Variants in NEDD4L observed in about 807,000 individuals in gnomAD.
NEDD4L encodes E3 ubiquitin-protein ligase NEDD4-like.
In NEDD4L, 54 loss-of-function variants were observed where a neutral mutation model predicts 148.9. The observed-to-expected ratio is 0.36, with a 90% CI of 0.29 to 0.45. The LOEUF (loss-of-function observed/expected upper bound fraction) is 0.45, where lower values mean the gene tolerates loss of function less well. Ranked by LOEUF, NEDD4L falls within the 20% of genes least tolerant of loss-of-function variation. The pLI is 1.00. For missense variants in NEDD4L, 856 were observed against 1,233.8 expected (o/e 0.69, Z 4.59); for synonymous variants, 433 against 440.7 (o/e 0.98, Z 0.22).
intron 1 of NEDD4L, among the ~76,000 whole-genome samples, chr18:58,114,411 ATG>A (rs1287859271): frequency 6.6e-6 from 1 of 152,164 alleles, no homozygotes; most frequent in Non-Finnish European, 1.5e-5. Context: ...CAGGAAGTCT[ATG>A]TGTGTGCCAG....
chr18:58,126,574 A>G (rs974808968), intron 1 of NEDD4L, among the ~76,000 whole-genome samples: 1 of 152,240 alleles, frequency 6.6e-6, no homozygotes, highest in Non-Finnish European at 1.5e-5. Context: ...ACTTTTTGGT[A>G]GAATGATGCT....
intron 5 of NEDD4L, among the ~76,000 whole-genome samples, chr18:58,309,547 G>T (rs144863827): frequency 4.2e-3 from 646 of 152,132 alleles, no homozygotes; most frequent in Non-Finnish European, 5.4e-3. Context: ...CCTGCCTGTG[G>T]CTGAGCCCTG....
intron 6 of NEDD4L, among the ~76,000 whole-genome samples, chr18:58,318,322 G>A (rs528469809): frequency 2.6e-4 from 40 of 152,310 alleles, no homozygotes; most frequent in African/African-American, 9.4e-4. Flanking sequence ...TTTGGAGGCC[G>A]AGGCAGGAGG....
intron 6 of NEDD4L, among the ~76,000 whole-genome samples, chr18:58,320,046 G>A (rs2058639133): frequency 6.6e-6 from 1 of 152,170 alleles, no homozygotes; most frequent in Admixed American, 6.5e-5. Flanking sequence ...TGCAAACCTA[G>A]GAGATCTGCC....
rs533605279 is a variant in NEDD4L, at chr18:58,324,868, C to T, written c.514-128C>T. 7.1e-5 allele frequency: 56 copies of T among 788,746 alleles called. 1 individual carries two copies. The East Asian group carries it at 1.3e-3, about 18-fold the overall frequency. The allele number at this position is 788,746 out of a possible 1,614,324, so 48.9% of individuals were successfully genotyped here. On this transcript the variant is annotated intron_variant, in intron 8 of 30. Transcript: ENST00000400345. Reference sequence around the variant, plus strand: ...ATTTGGGAATTTACTCAAATGTGGCCCCGAAGCCATGGCTAGAGCCAGAGA... The same window carrying T: ...ATTTGGGAATTTACTCAAATGTGGCTCCGAAGCCATGGCTAGAGCCAGAGA...
At chr18:58,232,558 C>T (rs895632149) in intron 2 of NEDD4L, among the ~76,000 whole-genome samples, 4 of 152,134 alleles carry the variant, frequency 2.6e-5, no homozygotes, top group African/African-American at 7.2e-5. Context: ...GGGTACCTGC[C>T]GTAATTGATC....
chr18:58,382,514 T>C (rs2048472027), intron 24 of NEDD4L, among the ~76,000 whole-genome samples: 2 of 152,218 alleles, frequency 1.3e-5, no homozygotes, highest in South Asian at 4.1e-4. Flanking sequence ...CCAAAATTTC[T>C]ACAATGAGAA....
At position 58,047,273 on chromosome 18, in the gene NEDD4L, G is replaced by A. The variant is rs2081628003; in HGVS notation, c.48+2565G>A. The A allele has an allele frequency of 4.1e-6, 4 of 984,556 alleles. No individual in the cohort carries two copies. In the Admixed American group the frequency reaches 2.5e-4, roughly 61 times the overall value. The allele number at this position is 984,556 out of a possible 1,614,324, so 61.0% of individuals were successfully genotyped here. A position where few individuals can be genotyped will look rare whatever the true frequency, so the allele number is the denominator to read the frequency against. Reference sequence around the variant, plus strand: ...GTGACCTCATAAATCTTTTAGCAAAGTAGACACACATACCTACCACATTTC... The same window carrying A: ...GTGACCTCATAAATCTTTTAGCAAAATAGACACACATACCTACCACATTTC... On this transcript the variant is annotated intron_variant, in intron 1 of 30. Coordinates refer to ENST00000400345, the MANE Select transcript of NEDD4L (RefSeq NM_001144967.3).
chr18:58,232,620 G>A (rs1205230194), intron 2 of NEDD4L, among the ~76,000 whole-genome samples: 3 of 152,210 alleles, frequency 2.0e-5, no homozygotes, highest in Non-Finnish European at 4.4e-5. Flanking sequence ...TCGGGATATA[G>A]GGGGCATCAC....
chr18:58,391,708 T>G, intron 30 of NEDD4L, 149 bp downstream of exon 30: 1 of 646,438 alleles, frequency 1.5e-6, no homozygotes. Flanking sequence ...AAATAGAAAT[T>G]GTACAGTAGT....
intron 1 of NEDD4L, among the ~76,000 whole-genome samples, chr18:58,060,158 A>G (rs1467638408): frequency 1.3e-5 from 2 of 151,936 alleles, no homozygotes. Flanking sequence ...GGGGTGGGGA[A>G]GGCACAGCTG....
chr18:58,195,478 C>T, intron 2 of NEDD4L: 1 of 1,342,378 alleles, frequency 7.4e-7, no homozygotes, highest in Non-Finnish European at 9.8e-7. Flanking sequence ...CAGGCTTAAG[C>T]CGCGCGAGGG....
chr18:58,219,788 G>A (rs1037509121), intron 2 of NEDD4L, among the ~76,000 whole-genome samples: 1 of 152,070 alleles, frequency 6.6e-6, no homozygotes, highest in African/African-American at 2.4e-5. Context: ...AGGAATTTTG[G>A]GCAAATACAA....
At chr18:58,286,786 A>G (rs975563243) in intron 5 of NEDD4L, among the ~76,000 whole-genome samples, 2 of 152,214 alleles carry the variant, frequency 1.3e-5, no homozygotes, top group Non-Finnish European at 2.9e-5. Flanking sequence ...AGTAAGTGCT[A>G]TGCTAGATGT....
At chr18:58,265,254 C>A (rs1016192896) in intron 5 of NEDD4L, among the ~76,000 whole-genome samples, 3 of 152,042 alleles carry the variant, frequency 2.0e-5, no homozygotes, top group Non-Finnish European at 4.4e-5. Context: ...TCATTATTAG[C>A]AGGTTTCAGC....
chr18:58,198,173 A>G (rs1341708900), intron 2 of NEDD4L, among the ~76,000 whole-genome samples: 1 of 152,202 alleles, frequency 6.6e-6, no homozygotes, highest in Non-Finnish European at 1.5e-5. Context: ...CTTTACAAAG[A>G]TGAAAGAAAA....
At chr18:58,371,067 A>G (rs1456448578) in intron 23 of NEDD4L, among the ~76,000 whole-genome samples, 1 of 151,706 alleles carries the variant, frequency 6.6e-6, no homozygotes, top group Non-Finnish European at 1.5e-5. Context: ...TTTTGAGATG[A>G]TGTCTTGCTC....
At chr18:58,297,525 G>A (rs183981986) in intron 5 of NEDD4L, among the ~76,000 whole-genome samples, 20 of 152,288 alleles carry the variant, frequency 1.3e-4, no homozygotes, top group Admixed American at 1.0e-3. Context: ...GGTCGTGTTT[G>A]ATCCTGAGAG....
rs1252159520 is a variant in NEDD4L at position 58,389,210 on chromosome 18, C to T, written c.2655+18C>T. On this transcript the variant is annotated intron_variant, in intron 28 of 30. Coordinates refer to ENST00000400345, the MANE Select transcript of NEDD4L (RefSeq NM_001144967.3). Reference sequence around the variant, plus strand: ...TCTGGAAGGTAACTCCGGGGCCCAGCCCCAGCCGGTGTCCTCCACCTGAGG... The same window carrying T: ...TCTGGAAGGTAACTCCGGGGCCCAGTCCCAGCCGGTGTCCTCCACCTGAGG... 2 of 1,582,366 alleles carry T rather than the reference C, an allele frequency of 1.3e-6. No individual in the cohort carries two copies. Among genetic ancestry groups the T allele is most frequent in the East Asian group, 4.5e-5 (2 of 44,540 alleles).
Sources: gnomAD v4.1 joint callset for allele counts (sites outside exome capture counted in the v4.1 genomes callset) on GRCh38, gnomAD v4.1.1 for gene constraint, MANE v1.5 for transcripts, NCBI Gene and HGNC (gene_info 2026-07-23, HGNC 2026-07-21) for gene names.